The following EBF1 variants were observed in gnomAD, a reference collection of about 807,000 sequenced individuals.
EBF1 encodes the protein EBF transcription factor 1, also known as transcription factor COE1.
EBF1 carries 10 observed loss-of-function variants against 68.4 expected under a neutral mutation model. The ratio of observed to expected loss-of-function variants is 0.15; its 90% CI spans 0.09 to 0.25. The LOEUF is 0.25. Among genes scored for constraint, EBF1 ranks in the 10% least tolerant of loss-of-function variants. The pLI is 1.00. For synonymous variants in EBF1, 298 were observed against 299.8 expected, an observed-to-expected ratio of 0.99 and a Z score of 0.06; for missense variants, 509 against 794.4, an observed-to-expected ratio of 0.64 and a Z score of 4.32.
At chr5:158,873,314 T>C (rs1797226080) in intron 6 of EBF1, among the ~76,000 whole-genome samples, 1 of 152,164 alleles carries the variant, frequency 6.6e-6, no homozygotes, top group East Asian at 1.9e-4. Flanking sequence ...ATCCTCTTTT[T>C]ATGCATCACT....
intron 8 of EBF1, among the ~76,000 whole-genome samples, chr5:158,810,104 G>T (rs575419369): frequency 6.6e-6 from 1 of 152,254 alleles, no homozygotes; most frequent in African/African-American, 2.4e-5. Context: ...GCACATAATA[G>T]TTACTGGAAA....
intron 7 of EBF1, among the ~76,000 whole-genome samples, chr5:158,835,805 C>T (rs1481573951): frequency 6.6e-6 from 1 of 152,112 alleles, no homozygotes; most frequent in Non-Finnish European, 1.5e-5. Flanking sequence ...AATGTTTCCT[C>T]ATTTTAAAAA....
intron 6 of EBF1, among the ~76,000 whole-genome samples, chr5:158,922,313 TTG>T (rs1344904207): frequency 6.6e-6 from 1 of 152,232 alleles, no homozygotes; most frequent in Non-Finnish European, 1.5e-5. Flanking sequence ...TTGGTTGCTA[TTG>T]TGCACTTCTA....
intron 14 of EBF1, among the ~76,000 whole-genome samples, chr5:158,711,545 G>A (rs967887595): frequency 2.0e-5 from 3 of 152,138 alleles, no homozygotes; most frequent in Non-Finnish European, 4.4e-5. Flanking sequence ...GGCTTGGAGA[G>A]GAAATGAACT....
chr5:158,821,164 C>T (rs1422299416), intron 8 of EBF1, among the ~76,000 whole-genome samples: 1 of 152,086 alleles, frequency 6.6e-6, no homozygotes, highest in East Asian at 1.9e-4. Flanking sequence ...TTAAACTCTC[C>T]TACAGATCAT....
At chr5:159,010,578 A>ATCTT (rs1391061062) in intron 6 of EBF1, among the ~76,000 whole-genome samples, 3 of 152,208 alleles carry the variant, frequency 2.0e-5, no homozygotes, top group African/African-American at 7.2e-5. Context: ...ATTTATACTG[A>ATCTT]TCTTTGAAAA....
At chr5:158,958,783 G>T (rs1254586810) in intron 6 of EBF1, among the ~76,000 whole-genome samples, 1 of 152,064 alleles carries the variant, frequency 6.6e-6, no homozygotes, top group Non-Finnish European at 1.5e-5. Context: ...AACCAGAAAC[G>T]CCGTTTTCTA....
At chr5:158,764,345 A>C (rs889355139) in intron 10 of EBF1, among the ~76,000 whole-genome samples, 25 of 152,190 alleles carry the variant, frequency 1.6e-4, no homozygotes, top group Admixed American at 1.0e-3. Flanking sequence ...AAGTCTTTAA[A>C]ACTCTGTAAG....
chr5:158,853,508 C>T (rs1348918072), intron 6 of EBF1, among the ~76,000 whole-genome samples: 1 of 152,038 alleles, frequency 6.6e-6, no homozygotes, highest in African/African-American at 2.4e-5. Flanking sequence ...GAATATAATC[C>T]ATTCATATTC....
intron 6 of EBF1, among the ~76,000 whole-genome samples, chr5:159,021,068 T>C (rs1766586995): frequency 6.6e-6 from 1 of 152,258 alleles, no homozygotes; most frequent in African/African-American, 2.4e-5. Context: ...ACTGGAGTTA[T>C]TAATTCATGC....
intron 6 of EBF1, among the ~76,000 whole-genome samples, chr5:158,925,472 TG>T (rs1296878471): frequency 6.6e-6 from 1 of 152,230 alleles, no homozygotes; most frequent in Non-Finnish European, 1.5e-5. Flanking sequence ...TTCTGACCAA[TG>T]GATGCATGGA....
At chr5:158,783,708 G>A (rs1776860426) in intron 9 of EBF1, among the ~76,000 whole-genome samples, 1 of 152,196 alleles carries the variant, frequency 6.6e-6, no homozygotes, top group Non-Finnish European at 1.5e-5. Context: ...TGTGGCCTCT[G>A]GGTACAAAGT....
intron 6 of EBF1, among the ~76,000 whole-genome samples, chr5:158,869,218 A>G (rs1291287181): frequency 6.6e-6 from 1 of 152,106 alleles, no homozygotes; most frequent in Non-Finnish European, 1.5e-5. Flanking sequence ...AAAGATATCA[A>G]CCCAGGAGGA....
chr5:159,079,193 A>C (rs563583379), intron 5 of EBF1, among the ~76,000 whole-genome samples: 1 of 152,252 alleles, frequency 6.6e-6, no homozygotes, highest in Admixed American at 6.5e-5. Flanking sequence ...TCCTCGTCAC[A>C]CTAACTCAAG....
intron 14 of EBF1, 132 bp from the exon 15 acceptor site, chr5:158,708,305 C>T (rs1261975898): frequency 5.7e-6 from 5 of 881,216 alleles, no homozygotes; most frequent in Non-Finnish European, 8.5e-6. Context: ...CAAACCTTCC[C>T]TGAATTCGCA....
chr5:158,913,789 G>A (rs887499455), intron 6 of EBF1, among the ~76,000 whole-genome samples: 4 of 152,186 alleles, frequency 2.6e-5, no homozygotes, highest in Admixed American at 6.5e-5. Context: ...ATGGCCATGA[G>A]AGCGCGAGTA....
chr5:158,759,719 A>G (rs891477454), intron 10 of EBF1, among the ~76,000 whole-genome samples: 1 of 151,884 alleles, frequency 6.6e-6, no homozygotes, highest in Non-Finnish European at 1.5e-5. Flanking sequence ...CATCCTCCCT[A>G]TTTCTTTCTT....
rs770564901 is a variant in EBF1, at chr5:158,796,493, T to C, written c.779-18A>G. 1.2e-6 allele frequency: 2 copies of C among 1,604,434 alleles called. No homozygotes were observed. The highest frequency in any genetic ancestry group is 1.1e-5 in the South Asian group (1 of 89,316). ...GGGAGTAGCTGCTTTTCAACACACA[T>C]GAAAAAGAGAAGGAGTCTGCTGTTA... is the stretch of plus-strand genomic sequence containing the variant. On this transcript the variant is annotated intron_variant, in intron 8 of 15. Coordinates refer to ENST00000313708, the MANE Select transcript of EBF1 (RefSeq NM_024007.5).
chr5:158,903,017 G>C (rs1803787150), intron 6 of EBF1, among the ~76,000 whole-genome samples: 1 of 152,168 alleles, frequency 6.6e-6, no homozygotes, highest in Non-Finnish European at 1.5e-5. Flanking sequence ...AGTAGATCTT[G>C]TAAACTAAAA....
Sources: gnomAD v4.1 joint callset for allele counts (sites outside exome capture counted in the v4.1 genomes callset) on GRCh38, gnomAD v4.1.1 for gene constraint, MANE v1.5 for transcripts, NCBI Gene and HGNC (gene_info 2026-07-23, HGNC 2026-07-21) for gene names.